SOX6: variants seen among roughly 807,000 people sequenced by gnomAD.
SOX6 encodes the protein SRY-box transcription factor 6.
In SOX6, 11 loss-of-function variants were observed where a neutral mutation model predicts 97.8. The observed-to-expected ratio is 0.11, with a 90% CI of 0.07 to 0.19. The LOEUF is 0.19. Among genes scored for constraint, SOX6 ranks in the 10% least tolerant of loss-of-function variants. The probability of loss-of-function intolerance (pLI) is 1.00; values close to 1 mark genes in which losing one functional copy is unlikely to be tolerated. For synonymous variants in SOX6, 360 were observed against 371.4 expected (o/e 0.97, Z 0.35); for missense variants, 810 against 1,039.5 (o/e 0.78, Z 3.04).
At position 16,570,622 on chromosome 11, in the gene SOX6, T is replaced by C. The variant is rs1847928610; in HGVS notation, n.609+41459A>G. ...TCTTGGGAGCACTATTGATCAATTG[T>C]TTCATATACAGTGTAGCTAACTAGA... On this transcript the variant is annotated intron_variant and non_coding_transcript_variant, in intron 4 of 5. Coordinates refer to the SOX6 transcript ENST00000524520. Among the ~76,000 whole-genome samples, 3 of 152,202 alleles carry C rather than the reference T, an allele frequency of 2.0e-5. No homozygotes were observed. In the South Asian group the frequency reaches 6.2e-4, roughly 31 times the overall value.
At chr11:16,707,027 G>A (rs749946846) in intron 3 of SOX6, among the ~76,000 whole-genome samples, 2 of 151,978 alleles carry the variant, frequency 1.3e-5, no homozygotes, top group Non-Finnish European at 2.9e-5. Context: ...TTAAATAAGC[G>A]AAATCATTCA....
rs1375724049 is a variant in SOX6, at chr11:16,426,489, T to C, written c.-5+49826A>G. On this transcript the variant is annotated intron_variant, in intron 1 of 15. Transcript: ENST00000396356. ...GACCAATGGAACAAAATAGAGAAAC[T>C]AGAAATAAGACCACACACCTACAAC... is the stretch of plus-strand genomic sequence containing the variant. Among the ~76,000 whole-genome samples the C allele has an allele frequency of 4.0e-5, 6 of 151,660 alleles. No individual in the cohort carries two copies. The East Asian group carries it at 7.8e-4, about 20-fold the overall frequency.
chr11:16,736,761 A>C (rs2134063218), intron 1 of SOX6, among the ~76,000 whole-genome samples: 2 of 152,370 alleles, frequency 1.3e-5, no homozygotes, highest in Middle Eastern at 6.8e-3. Context: ...GAACCTAAGT[A>C]GAATTATGTA....
intron 1 of SOX6, among the ~76,000 whole-genome samples, chr11:16,396,698 C>T (rs1393925): frequency 1 from 150,839 of 151,558 alleles, 75,067 homozygotes; most frequent in Middle Eastern, 1. Flanking sequence ...TGGTCCACAT[C>T]ATGCTTGAAA....
chr11:16,125,862 G>A lies in SOX6; in HGVS notation c.778-13939C>T, dbSNP rs571018406. On this transcript the variant is annotated intron_variant, in intron 6 of 15. Coordinates refer to ENST00000683767, the MANE Select transcript of SOX6 (RefSeq NM_001367873.1). Reference sequence around the variant, plus strand: ...AGGAAGGAAGGAAGGAAGGAAGGAAGGAAGGAAGGAAGGAAAGTTTATTTG... The same window carrying A: ...AGGAAGGAAGGAAGGAAGGAAGGAAAGAAGGAAGGAAGGAAAGTTTATTTG... Among the ~76,000 whole-genome samples the A allele has an allele frequency of 8.8e-4, 133 of 150,736 alleles. 1 individual carries two copies. The highest frequency in any genetic ancestry group is 3.2e-3 in the African/African-American group (130 of 41,068).
In SOX6 at chr11:16,050,439, G is replaced by A. The variant is rs150277832; in HGVS notation, c.1252-501C>T. Among the ~76,000 whole-genome samples the A allele has an allele frequency of 9.2e-4, 140 of 152,258 alleles. 1 individual carries two copies. The East Asian group carries it at 0.024, about 26-fold the overall frequency. On this transcript the variant is annotated intron_variant, in intron 10 of 15. Transcript: ENST00000683767. The stretch of plus-strand genomic sequence containing the variant: ...TCTGATGTACTAGGCCCCTGCCCAG[G>A]GAGCCACATGCCACAGCATGGCTTC...
At chr11:16,023,176 CT>C (rs1855118131) in intron 12 of SOX6, 2 of 152,134 alleles carry the variant, frequency 1.3e-5, no homozygotes, top group Admixed American at 6.5e-5. Context: ...TCTAACACCC[CT>C]AACCCCTTTC....
intron 13 of SOX6, among the ~76,000 whole-genome samples, chr11:16,011,966 T>C (rs1854743970): frequency 6.6e-6 from 1 of 152,054 alleles, no homozygotes; most frequent in South Asian, 2.1e-4. Context: ...CATATTTCCC[T>C]TTTAATCTTC....
chr11:16,525,328 C>T (rs1272449715), intron 4 of SOX6, among the ~76,000 whole-genome samples: 3 of 150,596 alleles, frequency 2.0e-5, no homozygotes, highest in Non-Finnish European at 4.5e-5. Context: ...AATAACGCCG[C>T]ATATCTACAA....
intron 9 of SOX6, among the ~76,000 whole-genome samples, chr11:16,061,703 T>C (rs1396212062): frequency 1.3e-5 from 2 of 151,580 alleles, no homozygotes; most frequent in Non-Finnish European, 1.5e-5. Context: ...GACACGTAGA[T>C]CAATGGAACA....
rs1589976916 is a variant in SOX6, at chr11:16,151,073, G to A, written c.777+32813C>T. Among the ~76,000 whole-genome samples the A allele has an allele frequency of 2.6e-5, 4 of 152,174 alleles. No individual in the cohort carries two copies. In the South Asian group the frequency reaches 8.3e-4, roughly 32 times the overall value. ...CCAATTAATACTTTTGGATTTTACA[G>A]TAAATAATACCTCTTTTATAACATA... On this transcript the variant is annotated intron_variant, in intron 6 of 15. Coordinates refer to ENST00000683767, the MANE Select transcript of SOX6 (RefSeq NM_001367873.1).
At chr11:16,423,907 A>G (rs574406590) in intron 1 of SOX6, among the ~76,000 whole-genome samples, 3 of 152,334 alleles carry the variant, frequency 2.0e-5, no homozygotes, top group Admixed American at 6.5e-5. Context: ...TAATCTAAAA[A>G]GGCTAAAAAG....
At chr11:15,989,259 T>C (rs778033067) in intron 13 of SOX6, 29 bp from the exon 14 acceptor site, 29 of 1,556,900 alleles carry the variant, frequency 1.9e-5, no homozygotes, top group Non-Finnish European at 2.4e-5. Flanking sequence ...AAGAACAAGA[T>C]GAGTGGAAAG....
At chr11:16,268,761 T>C (rs1210560049) in intron 3 of SOX6, among the ~76,000 whole-genome samples, 2 of 151,206 alleles carry the variant, frequency 1.3e-5, no homozygotes, top group Non-Finnish European at 3.0e-5. Context: ...CTCTTTGTTT[T>C]GAGATTTTTT....
intron 6 of SOX6, among the ~76,000 whole-genome samples, chr11:16,163,676 C>A (rs1337490432): frequency 1.3e-5 from 2 of 152,178 alleles, no homozygotes; most frequent in Non-Finnish European, 2.9e-5. Context: ...TGACTAAAGT[C>A]CTAAGTTATA....
intron 1 of SOX6, among the ~76,000 whole-genome samples, chr11:16,396,305 T>G (rs763596004): frequency 6.6e-6 from 1 of 151,692 alleles, no homozygotes; most frequent in Non-Finnish European, 1.5e-5. Flanking sequence ...GTCTTAAATA[T>G]AGGCCAGAAC....
chr11:16,063,699 A>G (rs967889001), intron 9 of SOX6, among the ~76,000 whole-genome samples: 4 of 149,528 alleles, frequency 2.7e-5, no homozygotes, highest in Non-Finnish European at 6.0e-5. Flanking sequence ...ACCCCAATTC[A>G]TTAATGCATT....
At chr11:16,214,652 C>T (rs1427983794) in intron 4 of SOX6, among the ~76,000 whole-genome samples, 1 of 151,990 alleles carries the variant, frequency 6.6e-6, no homozygotes, top group Non-Finnish European at 1.5e-5. Context: ...CCATTCATGA[C>T]TTTAGCCATA....
At chr11:16,624,233 G>A (rs1037666906) in intron 3 of SOX6, among the ~76,000 whole-genome samples, 2 of 140,664 alleles carry the variant, frequency 1.4e-5, no homozygotes, top group Admixed American at 7.7e-5. Flanking sequence ...CTGTTGCCAG[G>A]CTGGAGTGCA....
Sources: allele counts gnomAD v4.1 joint callset (sites outside exome capture counted in the v4.1 genomes callset), GRCh38; gene constraint gnomAD v4.1.1; transcripts MANE v1.5; gene names NCBI Gene and HGNC (gene_info 2026-07-23, HGNC 2026-07-21).